ASTN1: variants seen among roughly 807,000 people sequenced by gnomAD.
ASTN1 encodes astrotactin-1.
In ASTN1, 41 loss-of-function variants were observed where a neutral mutation model predicts 140.7. That is an observed-to-expected ratio of 0.29 (90% confidence interval 0.23 to 0.38). ASTN1 has a LOEUF of 0.38. ASTN1 is among the 10% of genes least tolerant of loss of function. The pLI is 1.00. For missense variants in ASTN1, 1,479 were observed against 1,678.8 expected, an observed-to-expected ratio of 0.88 and a Z score of 2.08; for synonymous variants, 640 against 652.2, an observed-to-expected ratio of 0.98 and a Z score of 0.29.
chr1:177,055,300 T>A (rs1426055366), intron 2 of ASTN1, among the ~76,000 whole-genome samples: 1 of 152,176 alleles, frequency 6.6e-6, no homozygotes. Flanking sequence ...GGTGAATGAA[T>A]TCATGTATAC....
At chr1:176,998,097 T>C (rs1674540928) in intron 8 of ASTN1, among the ~76,000 whole-genome samples, 2 of 152,144 alleles carry the variant, frequency 1.3e-5, no homozygotes, top group Admixed American at 1.3e-4. Flanking sequence ...CTTGTCTTCA[T>C]ACATCATGCT....
chr1:177,030,551 G>A (rs745618601), intron 4 of ASTN1, among the ~76,000 whole-genome samples: 6 of 152,096 alleles, frequency 3.9e-5, no homozygotes, highest in East Asian at 1.9e-4. Context: ...TGTGATGAAC[G>A]GCCTTTTACA....
chr1:177,120,836 C>T (rs1571813487), intron 1 of ASTN1, among the ~76,000 whole-genome samples: 1 of 152,194 alleles, frequency 6.6e-6, no homozygotes, highest in Non-Finnish European at 1.5e-5. Context: ...TGTGCTGAAG[C>T]TGCACTGGAT....
At chr1:176,959,995 G>A (rs1026680454) in intron 9 of ASTN1, among the ~76,000 whole-genome samples, 3 of 152,008 alleles carry the variant, frequency 2.0e-5, no homozygotes, top group African/African-American at 7.2e-5. Flanking sequence ...GAAGCAGTTA[G>A]CAAAATTGGA....
At position 176,894,641 on chromosome 1, in the gene ASTN1, G is replaced by C; in HGVS notation, c.2861C>G (p.Thr954Ser). The change falls in exon 17 of 23, where the codon ACC becomes AGC. Residue 954 changes from threonine to serine, a missense_variant. Thr to Ser is a moderately conservative substitution (Grantham distance 58, BLOSUM62 1). This residue lies in a region of ASTN1 where 746 missense variants were observed against 800.9 expected (regional missense o/e 0.93). Transcript: ENST00000361833. ...PLCHVTSSPD[T>S]PAEPVLLEVT... The stretch of plus-strand genomic sequence containing the variant: ...CTCCAGCAGAACCGGCTCAGCAGGG[G>C]TGTCAGGGCTGGATGTCACATGACA... 6.2e-7 allele frequency: 1 copy of C among 1,614,106 alleles called. No homozygotes were observed. The highest frequency in any genetic ancestry group is 8.5e-7 in the Non-Finnish European group (1 of 1,180,038).
intron 2 of ASTN1, among the ~76,000 whole-genome samples, chr1:177,033,123 C>CTGTGTGTGTGTGTG (rs10603141): frequency 0.013 from 1,844 of 146,298 alleles, 30 homozygotes; most frequent in African/African-American, 0.035. Flanking sequence ...AGAAACAAGT[C>CTGTGTGTGTGTGTG]TGTGTGTGTG....
chr1:177,124,754 G>A (rs1440216158), intron 1 of ASTN1, among the ~76,000 whole-genome samples: 1 of 152,194 alleles, frequency 6.6e-6, no homozygotes, highest in East Asian at 1.9e-4. Context: ...GATAGAGGAG[G>A]AGGAGTGGGA....
chr1:177,080,458 A>T (rs970586316), intron 1 of ASTN1, among the ~76,000 whole-genome samples: 1 of 152,172 alleles, frequency 6.6e-6, no homozygotes, highest in African/African-American at 2.4e-5. Context: ...CATAAAATGC[A>T]TTTCTATAGC....
chr1:177,054,142 T>C (rs556794785), intron 2 of ASTN1, among the ~76,000 whole-genome samples: 14 of 152,330 alleles, frequency 9.2e-5, no homozygotes, highest in Non-Finnish European at 4.4e-5. Flanking sequence ...CTTGATTCAA[T>C]TCATAGTCCT....
At chr1:176,883,171 C>T (rs1269923335) in intron 19 of ASTN1, among the ~76,000 whole-genome samples, 177 bp from the exon 20 acceptor site, 3 of 151,522 alleles carry the variant, frequency 2.0e-5, no homozygotes, top group Admixed American at 1.3e-4. Context: ...CCACTCAGAG[C>T]TGTCTAGAGT....
At chr1:176,991,435 C>CCAAAAAAAAAAAAAAAAAAAAAAAAAAAA (rs1674163784) in intron 8 of ASTN1, among the ~76,000 whole-genome samples, 1 of 5,698 alleles carries the variant, frequency 1.8e-4, no homozygotes, top group African/African-American at 5.1e-4. Context: ...AAAAAAAAAA[C>CCAAAAAAAAAAAAAAAAAAAAAAAAAAAA]CAAAAAAAAA....
chr1:176,892,257 A>G (rs1230937692), intron 17 of ASTN1, among the ~76,000 whole-genome samples: 1 of 152,216 alleles, frequency 6.6e-6, no homozygotes, highest in Admixed American at 6.5e-5. Context: ...TCTGAAGTTC[A>G]TATTAGATAT....
intron 1 of ASTN1, among the ~76,000 whole-genome samples, chr1:177,080,922 G>A (rs1558081428): frequency 6.6e-6 from 1 of 152,146 alleles, no homozygotes; most frequent in Non-Finnish European, 1.5e-5. Context: ...ATGAGACCAC[G>A]TATGAAGCAT....
chr1:176,902,505 C>A (rs1571484272), intron 16 of ASTN1, among the ~76,000 whole-genome samples: 2 of 152,286 alleles, frequency 1.3e-5, no homozygotes, highest in South Asian at 4.1e-4. Flanking sequence ...GTTGAGGTTC[C>A]CGGCTAATTA....
chr1:176,864,957 T>C (rs529430608), intron 22 of ASTN1, among the ~76,000 whole-genome samples: 2 of 152,354 alleles, frequency 1.3e-5, no homozygotes, highest in South Asian at 4.1e-4. Context: ...AGCCGTTATG[T>C]TGAACTGAAA....
Position 177,059,090 on chromosome 1 carries a change from C to G in ASTN1, c.471+1988G>C, listed in dbSNP as rs1677951188. ...AATCACAATATTTATTTTTGGAAAT[C>G]TCTATACACCTTTCTTTACCTTAAA... is the stretch of plus-strand genomic sequence containing the variant. On this transcript the variant is annotated intron_variant, in intron 2 of 22. Transcript: ENST00000361833. Among the ~76,000 whole-genome samples the G allele has an allele frequency of 2.0e-5, 3 of 152,212 alleles. No individual in the cohort carries two copies. The South Asian group carries it at 6.2e-4, about 32-fold the overall frequency.
chr1:177,004,619 A>G (rs543775640), intron 8 of ASTN1, among the ~76,000 whole-genome samples: 2 of 152,306 alleles, frequency 1.3e-5, no homozygotes, highest in Admixed American at 1.3e-4. Flanking sequence ...GTACTGGTAT[A>G]AAAGTAGATA....
intron 2 of ASTN1, among the ~76,000 whole-genome samples, chr1:177,045,966 G>A (rs529890525): frequency 7.1e-4 from 108 of 152,312 alleles, no homozygotes; most frequent in African/African-American, 2.5e-3. Flanking sequence ...TCTTTGAAAC[G>A]AAAGTGCTAA....
At chr1:177,093,719 C>G (rs1444056168) in intron 1 of ASTN1, among the ~76,000 whole-genome samples, 1 of 152,136 alleles carries the variant, frequency 6.6e-6, no homozygotes. Flanking sequence ...AAAAATGACA[C>G]AGTGTGCACA....
Sources: gnomAD v4.1 joint callset for allele counts (sites outside exome capture counted in the v4.1 genomes callset) on GRCh38, gnomAD v4.1.1 for gene constraint, gnomAD v4.1.1 regional missense constraint, MANE v1.5 for transcripts, NCBI Gene and HGNC (gene_info 2026-07-23, HGNC 2026-07-21) for gene names.